Variants in MYO5A observed in about 807,000 individuals in gnomAD.
The protein encoded by MYO5A is myosin VA.
MYO5A carries 98 observed loss-of-function variants against 249.7 expected under a neutral mutation model. That is an observed-to-expected ratio of 0.39 (90% CI 0.33 to 0.46). The LOEUF (loss-of-function observed/expected upper bound fraction) is 0.46, where lower values mean the gene tolerates loss of function less well. Among genes scored for constraint, MYO5A ranks in the 20% least tolerant of loss-of-function variants. The pLI is 0.98. For missense variants in MYO5A, 1,696 were observed against 2,308.8 expected (o/e 0.73, Z 5.44); for synonymous variants, 778 against 810.6 (o/e 0.96, Z 0.68).
At chr15:52,314,329 C>A (rs2140906973) in intron 40 of MYO5A, 126 bp from the exon 41 acceptor site, 1 of 723,324 alleles carries the variant, frequency 1.4e-6, no homozygotes, top group Non-Finnish European at 2.5e-6. Context: ...GGGCTGGGAC[C>A]AGAAGGAAGG....
chr15:52,409,611 T>C (rs900635895), intron 6 of MYO5A, among the ~76,000 whole-genome samples: 5 of 152,148 alleles, frequency 3.3e-5, no homozygotes, highest in African/African-American at 4.8e-5. Context: ...GTCAAGGGTA[T>C]TTGAACCTCA....
At chr15:52,342,269 G>A (rs139640305) in intron 31 of MYO5A, among the ~76,000 whole-genome samples, 74 of 152,130 alleles carry the variant, frequency 4.9e-4, no homozygotes, top group African/African-American at 1.4e-3. Flanking sequence ...TGAGGCAGGA[G>A]GATCGTTTGA....
At position 52,323,347 on chromosome 15, in the gene MYO5A, T is replaced by C; in HGVS notation, c.4800+8A>G. The C allele has an allele frequency of 6.2e-7, 1 of 1,609,176 alleles. No homozygotes were observed. The highest frequency in any genetic ancestry group is 1.1e-5 in the South Asian group (1 of 90,980). ...AGCATGCTGGTTTTGTAATCAAGGT[T>C]TTCTCACCTCTTCTCCACTGTACTG... On this transcript the variant is annotated splice_region_variant and intron_variant, in intron 37 of 41. Coordinates refer to ENST00000399233, the MANE Select transcript of MYO5A (RefSeq NM_001382347.1).
chr15:52,339,694 G>C (rs1804630839), intron 32 of MYO5A, among the ~76,000 whole-genome samples: 1 of 152,134 alleles, frequency 6.6e-6, no homozygotes, highest in South Asian at 2.1e-4. Flanking sequence ...CCTGACCTGG[G>C]AGCTCCATCC....
At chr15:52,381,971 C>T (rs2041762824) in intron 16 of MYO5A, among the ~76,000 whole-genome samples, 1 of 152,154 alleles carries the variant, frequency 6.6e-6, no homozygotes, top group Non-Finnish European at 1.5e-5. Flanking sequence ...GGAGTGATCT[C>T]GGCTCACTGC....
At chr15:52,371,439 C>T (rs1374113932) in intron 21 of MYO5A, among the ~76,000 whole-genome samples, 1 of 152,168 alleles carries the variant, frequency 6.6e-6, no homozygotes, top group Non-Finnish European at 1.5e-5. Context: ...GTAAAATGAA[C>T]ATGATACCAC....
At chr15:52,500,377 G>C (rs988210411) in intron 1 of MYO5A, among the ~76,000 whole-genome samples, 1 of 125,248 alleles carries the variant, frequency 8.0e-6, no homozygotes, top group Non-Finnish European at 1.6e-5. Context: ...ATGGAGTTTC[G>C]CTCTTTTTAC....
Position 52,376,340 on chromosome 15 carries a change from G to T in MYO5A, c.2420+7C>A. ...TGGGCACTCTACTCTGTCCCCAGGA[G>T]ACCTACCATCGGGCCTGGTAGCCCC... On this transcript the variant is annotated splice_region_variant and intron_variant, in intron 19 of 41. Transcript: ENST00000399233. 1 of 1,613,456 alleles carries T rather than the reference G, an allele frequency of 6.2e-7. No individual in the cohort carries two copies. The highest frequency in any genetic ancestry group is 1.1e-5 in the South Asian group (1 of 91,030).
chr15:52,516,612 C>T (rs1017626894), intron 1 of MYO5A, among the ~76,000 whole-genome samples: 4 of 152,220 alleles, frequency 2.6e-5, no homozygotes, highest in African/African-American at 7.2e-5. Context: ...GAAGGCCTCA[C>T]TAATCCCAAA....
chr15:52,416,380 T>A, intron 4 of MYO5A, 79 bp from the exon 5 acceptor site: 1 of 1,469,016 alleles, frequency 6.8e-7, no homozygotes, highest in Non-Finnish European at 9.4e-7. Context: ...ATGGTCTCTA[T>A]GGAAGTAGGG....
intron 1 of MYO5A, among the ~76,000 whole-genome samples, chr15:52,523,155 C>T (rs1356893475): frequency 2.0e-5 from 3 of 152,172 alleles, no homozygotes; most frequent in African/African-American, 7.2e-5. Context: ...TCCTTCCCAT[C>T]CTATATGTAA....
At chr15:52,437,480 A>G (rs1343526028) in intron 1 of MYO5A, among the ~76,000 whole-genome samples, 1 of 151,578 alleles carries the variant, frequency 6.6e-6, no homozygotes, top group African/African-American at 2.4e-5. Context: ...CTGTAACCCC[A>G]GCTACTCAGG....
chr15:52,445,978 T>G (rs922427880), intron 1 of MYO5A, among the ~76,000 whole-genome samples: 1 of 152,222 alleles, frequency 6.6e-6, no homozygotes, highest in Non-Finnish European at 1.5e-5. Context: ...TTTGGAAAAT[T>G]TGCAGGCTGG....
chr15:52,378,413 G>A (rs868501512), intron 18 of MYO5A, among the ~76,000 whole-genome samples: 8 of 150,226 alleles, frequency 5.3e-5, no homozygotes, highest in African/African-American at 2.0e-4. Context: ...CCCAGCTACT[G>A]GGGGGGCTGA....
chr15:52,498,949 T>C (rs922121171), intron 1 of MYO5A, among the ~76,000 whole-genome samples: 5 of 152,188 alleles, frequency 3.3e-5, no homozygotes, highest in Admixed American at 1.3e-4. Flanking sequence ...GGCTCAGGAA[T>C]GTAGTCAGGA....
At chr15:52,504,225 A>G (rs750232011) in intron 1 of MYO5A, among the ~76,000 whole-genome samples, 2 of 151,386 alleles carry the variant, frequency 1.3e-5, no homozygotes, top group Non-Finnish European at 2.9e-5. Flanking sequence ...CCACCCACTC[A>G]CTCTTACTCA....
At chr15:52,371,082 T>C (rs1186195589) in intron 21 of MYO5A, among the ~76,000 whole-genome samples, 1 of 151,590 alleles carries the variant, frequency 6.6e-6, no homozygotes, top group Non-Finnish European at 1.5e-5. Context: ...TGCTGTACTT[T>C]AGCCTGGGTG....
chr15:52,447,183 A>C (rs1459866483), intron 1 of MYO5A, among the ~76,000 whole-genome samples: 1 of 152,128 alleles, frequency 6.6e-6, no homozygotes, highest in African/African-American at 2.4e-5. Context: ...GCCTGGTGGA[A>C]GGTGTTTGGA....
Position 52,410,384 on chromosome 15 carries a change from A to T in MYO5A, c.705T>A (p.Ile235=), listed in dbSNP as rs2043197478. Residue 235 remains isoleucine (I), a synonymous_variant, in exon 6 of 42, where the codon ATT becomes ATA. Coordinates refer to ENST00000399233, the MANE Select transcript of MYO5A (RefSeq NM_001382347.1). Reference sequence around the variant, plus strand: ...AAAGATAAGTTCTCATATTGGCACCAATGATTCGATATCTCTTATCAAAAC... The same window carrying T: ...AAAGATAAGTTCTCATATTGGCACCTATGATTCGATATCTCTTATCAAAAC... ...EIGFDKRYRI[I]GANMRTYLLE... 1 of 1,613,820 alleles carries T rather than the reference A, an allele frequency of 6.2e-7. No homozygotes were observed. The highest frequency in any genetic ancestry group is 1.7e-5 in the Admixed American group (1 of 60,032).
Sources: allele counts gnomAD v4.1 joint callset (sites outside exome capture counted in the v4.1 genomes callset), GRCh38; gene constraint gnomAD v4.1.1; transcripts MANE v1.5; gene names NCBI Gene and HGNC (gene_info 2026-07-23, HGNC 2026-07-21).